Variants in GRM7 observed in about 807,000 individuals in gnomAD.
GRM7 encodes the protein glutamate metabotropic receptor 7.
GRM7 carries 35 observed loss-of-function variants against 84.5 expected under a neutral mutation model. The ratio of observed to expected loss-of-function variants is 0.41; its 90% confidence interval spans 0.32 to 0.55. The LOEUF (loss-of-function observed/expected upper bound fraction) is 0.55. GRM7 is among the 20% of genes least tolerant of loss of function. GRM7 has a pLI of 0.19. For synonymous variants in GRM7, 487 were observed against 455.1 expected (o/e 1.07, Z -0.89); for missense variants, 1,003 against 1,194.6 (o/e 0.84, Z 2.36).
intron 1 of GRM7, among the ~76,000 whole-genome samples, chr3:7,130,267 G>T (rs1297407439): frequency 6.6e-6 from 1 of 152,104 alleles, no homozygotes; most frequent in African/African-American, 2.4e-5. Flanking sequence ...TTATGGGATG[G>T]GCCTGGTGGC....
intron 1 of GRM7, among the ~76,000 whole-genome samples, chr3:6,952,590 G>A (rs542965850): frequency 5.3e-5 from 8 of 152,270 alleles, no homozygotes; most frequent in South Asian, 2.1e-4. Flanking sequence ...CTATGAATGC[G>A]ATAAGCTGGG....
chr3:7,311,414 G>A (rs1265984135), intron 4 of GRM7, among the ~76,000 whole-genome samples: 1 of 150,072 alleles, frequency 6.7e-6, no homozygotes, highest in Admixed American at 6.6e-5. Flanking sequence ...AAGGATCTCA[G>A]TCTGATAGGC....
intron 7 of GRM7, among the ~76,000 whole-genome samples, chr3:7,462,346 T>A (rs1698282675): frequency 6.6e-6 from 1 of 152,160 alleles, no homozygotes; most frequent in South Asian, 2.1e-4. Flanking sequence ...GTAAGACTCA[T>A]CCACATTGGG....
intron 8 of GRM7, among the ~76,000 whole-genome samples, chr3:7,620,340 A>C (rs1697298553): frequency 6.6e-6 from 1 of 152,200 alleles, no homozygotes; most frequent in Admixed American, 6.6e-5. Context: ...CTGGCAAATA[A>C]AATAAGAATT....
intron 8 of GRM7, among the ~76,000 whole-genome samples, chr3:7,605,654 T>G (rs780307939): frequency 2.6e-5 from 4 of 152,118 alleles, no homozygotes; most frequent in Non-Finnish European, 4.4e-5. Flanking sequence ...ATAGGTAACA[T>G]TGATGTGCAT....
rs1209938099 is a variant in GRM7 at position 7,093,676 on chromosome 3, C to CAAAAAAAAAAA, written c.520-52748_520-52738dup. ...TGGGCGATAGAGCAAGACTCTGTCT[C>CAAAAAAAAAAA]AAAAAAAAAAAAAAAAAAAAAAAAA... On this transcript the variant is annotated intron_variant, in intron 1 of 9. Transcript: ENST00000357716. Among the ~76,000 whole-genome samples the CAAAAAAAAAAA allele has an allele frequency of 5.0e-4, 7 of 13,958 alleles. 1 individual carries two copies. Among genetic ancestry groups the CAAAAAAAAAAA allele is most frequent in the African/African-American group, 1.1e-3 (4 of 3,658 alleles). The allele number at this position is 13,958 out of a possible 152,430, so 9.2% of individuals were successfully genotyped here.
intron 4 of GRM7, among the ~76,000 whole-genome samples, chr3:7,357,749 G>A (rs1472032096): frequency 1.3e-5 from 2 of 152,064 alleles, no homozygotes; most frequent in Admixed American, 1.3e-4. Flanking sequence ...AGGTCACCAT[G>A]TGTCATAGCT....
At chr3:6,940,034 G>C (rs1697831380) in intron 1 of GRM7, among the ~76,000 whole-genome samples, 1 of 152,004 alleles carries the variant, frequency 6.6e-6, no homozygotes, top group Non-Finnish European at 1.5e-5. Context: ...AGGGTATTTG[G>C]AAATATATGA....
At position 7,352,660 on chromosome 3, in the gene GRM7, C is replaced by T. The variant is rs150003825; in HGVS notation, c.1033+46008C>T. 2.5e-3 allele frequency among the ~76,000 whole-genome samples: 384 copies of T among 152,180 alleles called. 2 individuals are homozygous for T. The highest frequency in any genetic ancestry group is 8.5e-3 in the African/African-American group (352 of 41,548). ...AAGAATGGACTCTTGCAAGAGAATA[C>T]GGATGTGTGTGAGGACCTTGATGAA... On this transcript the variant is annotated intron_variant, in intron 4 of 9. Coordinates refer to ENST00000357716, the MANE Select transcript of GRM7 (RefSeq NM_000844.4).
At chr3:7,580,338 G>T (rs1178559139) in intron 8 of GRM7, among the ~76,000 whole-genome samples, 1 of 152,224 alleles carries the variant, frequency 6.6e-6, no homozygotes, top group African/African-American at 2.4e-5. Context: ...CTTAGGGATA[G>T]CTTGATTAGA....
At chr3:6,879,784 A>C (rs1272080497) in intron 1 of GRM7, among the ~76,000 whole-genome samples, 1 of 152,156 alleles carries the variant, frequency 6.6e-6, no homozygotes, top group Non-Finnish European at 1.5e-5. Context: ...CAATAATAGA[A>C]CCTGAATAAG....
intron 1 of GRM7, among the ~76,000 whole-genome samples, chr3:6,942,601 G>C (rs1199744439): frequency 6.6e-6 from 1 of 151,958 alleles, no homozygotes; most frequent in Admixed American, 6.6e-5. Flanking sequence ...CCATTGTATA[G>C]TTCACACCAC....
chr3:7,340,082 A>C (rs1701580024), intron 4 of GRM7, among the ~76,000 whole-genome samples: 1 of 152,156 alleles, frequency 6.6e-6, no homozygotes, highest in Non-Finnish European at 1.5e-5. Context: ...TATGTTGAAT[A>C]TTTGATCTCA....
chr3:7,441,017 T>C (rs1349994605), intron 5 of GRM7, among the ~76,000 whole-genome samples: 1 of 152,194 alleles, frequency 6.6e-6, no homozygotes, highest in Non-Finnish European at 1.5e-5. Context: ...TACTCGGTAA[T>C]GGGATTGTTT....
At chr3:6,915,759 T>A (rs1145134) in intron 1 of GRM7, among the ~76,000 whole-genome samples, 13,384 of 152,264 alleles carry the variant, frequency 0.088, 676 homozygotes, top group South Asian at 0.18. Context: ...GAATTCAGTA[T>A]CACAACTAAT....
At chr3:7,596,801 G>A (rs150710943) in intron 8 of GRM7, among the ~76,000 whole-genome samples, 9 of 152,174 alleles carry the variant, frequency 5.9e-5, no homozygotes, top group African/African-American at 2.2e-4. Context: ...CTCTCAAGGG[G>A]TTTTACTGTC....
intron 1 of GRM7, among the ~76,000 whole-genome samples, chr3:7,062,325 A>G (rs541320611): frequency 6.6e-6 from 1 of 151,594 alleles, no homozygotes; most frequent in Non-Finnish European, 1.5e-5. Flanking sequence ...GACGGTGTAC[A>G]ATCGTAGTGT....
At chr3:6,880,457 C>T (rs570579078) in intron 1 of GRM7, among the ~76,000 whole-genome samples, 11 of 152,238 alleles carry the variant, frequency 7.2e-5, no homozygotes, top group South Asian at 4.1e-4. Context: ...GATGTCCTGG[C>T]GGGCTTTAGA....
At chr3:7,304,669 C>G (rs1262545970) in intron 3 of GRM7, among the ~76,000 whole-genome samples, 1 of 151,878 alleles carries the variant, frequency 6.6e-6, no homozygotes, top group Non-Finnish European at 1.5e-5. Flanking sequence ...GTTTTGCTTT[C>G]TAGAGAATTT....
Sources: allele counts gnomAD v4.1 joint callset (sites outside exome capture counted in the v4.1 genomes callset), GRCh38; gene constraint gnomAD v4.1.1; transcripts MANE v1.5; gene names NCBI Gene and HGNC (gene_info 2026-07-23, HGNC 2026-07-21).